The following SESN1 variants were observed in gnomAD, a reference collection of about 807,000 sequenced individuals.
SESN1 encodes the protein sestrin 1, also known as sestrin-1.
In SESN1, 30 loss-of-function variants were observed where a neutral mutation model predicts 59.3. The ratio of observed to expected loss-of-function variants is 0.51; its 90% confidence interval spans 0.38 to 0.69. SESN1 has a LOEUF of 0.69. Among genes scored for constraint, SESN1 ranks in the 30% least tolerant of loss-of-function variants. The pLI, the probability that SESN1 is intolerant of heterozygous loss-of-function variation, is 0.00. For synonymous variants in SESN1, 197 were observed against 219.9 expected (o/e 0.90, Z 0.92); for missense variants, 566 against 673.0 (o/e 0.84, Z 1.76).
At chr6:109,069,670 T>C (rs1780897286) in intron 1 of SESN1, among the ~76,000 whole-genome samples, 1 of 152,096 alleles carries the variant, frequency 6.6e-6, no homozygotes, top group Non-Finnish European at 1.5e-5. Context: ...GCATCCCAAG[T>C]AGCCAGGACC....
chr6:109,063,701 T>C (rs992386462), intron 1 of SESN1, among the ~76,000 whole-genome samples: 1 of 152,202 alleles, frequency 6.6e-6, no homozygotes, highest in Admixed American at 6.5e-5. Context: ...TTGATTCAGA[T>C]ACGTCTTGTG....
At chr6:109,068,526 T>C (rs904681361) in intron 1 of SESN1, among the ~76,000 whole-genome samples, 2 of 151,672 alleles carry the variant, frequency 1.3e-5, no homozygotes, top group African/African-American at 4.8e-5. Context: ...AAAGAAACGG[T>C]ATATGAAAAA....
intron 1 of SESN1, chr6:109,009,611 A>C: frequency 9.8e-7 from 1 of 1,016,404 alleles, no homozygotes; most frequent in Non-Finnish European, 1.2e-6. Flanking sequence ...CGCGCCCGTC[A>C]TTTCACCGCC....
intron 1 of SESN1, among the ~76,000 whole-genome samples, chr6:109,057,327 C>A (rs1206487199): frequency 6.6e-6 from 1 of 152,198 alleles, no homozygotes; most frequent in Non-Finnish European, 1.5e-5. Context: ...GAAGGTACAA[C>A]AGACTTTTTA....
Position 109,069,871 on chromosome 6 carries a change from A to C in SESN1, c.279+23924T>G, listed in dbSNP as rs183054954. Reference sequence around the variant, plus strand: ...CTGCACCCAGCCTCCACAAACTCTTAAGAAAATTAATACTGAGCTTATGAA... The same window carrying C: ...CTGCACCCAGCCTCCACAAACTCTTCAGAAAATTAATACTGAGCTTATGAA... On this transcript the variant is annotated intron_variant, in intron 1 of 9. Coordinates refer to ENST00000436639, the MANE Select transcript of SESN1 (RefSeq NM_014454.3). 2.0e-3 allele frequency among the ~76,000 whole-genome samples: 304 copies of C among 152,192 alleles called. 1 individual carries two copies. Among genetic ancestry groups the C allele is most frequent in the Non-Finnish European group, 3.2e-3 (218 of 68,006 alleles).
chr6:109,068,018 G>A (rs1342591602), intron 1 of SESN1, among the ~76,000 whole-genome samples: 1 of 152,204 alleles, frequency 6.6e-6, no homozygotes, highest in Non-Finnish European at 1.5e-5. Context: ...GAAGGCCACA[G>A]TTCCTGTTAG....
intron 5 of SESN1, 28 bp from the exon 6 acceptor site, chr6:108,994,637 A>T: frequency 6.3e-7 from 1 of 1,581,742 alleles, no homozygotes; most frequent in East Asian, 2.3e-5. Context: ...TTAATGTTAC[A>T]TGTGGCAGAC....
At chr6:109,088,958 G>A (rs1708497792) in intron 1 of SESN1, among the ~76,000 whole-genome samples, 1 of 152,084 alleles carries the variant, frequency 6.6e-6, no homozygotes, top group Non-Finnish European at 1.5e-5. Flanking sequence ...GCCTGGCCCA[G>A]AATATTTCTC....
At chr6:109,001,628 C>A in intron 2 of SESN1, 140 bp from the exon 3 acceptor site, 1 of 713,450 alleles carries the variant, frequency 1.4e-6, no homozygotes, top group South Asian at 1.9e-5. Context: ...AATTTAAACT[C>A]AACTGGTTGA....
chr6:109,059,709 T>C (rs1201043752), intron 1 of SESN1: 1 of 152,176 alleles, frequency 6.6e-6, no homozygotes, highest in African/African-American at 2.4e-5. Context: ...TATTCATGCA[T>C]ATTTTTGCTT....
intron 1 of SESN1, among the ~76,000 whole-genome samples, chr6:109,016,786 T>C (rs1405459983): frequency 6.6e-6 from 1 of 152,210 alleles, no homozygotes; most frequent in Non-Finnish European, 1.5e-5. Flanking sequence ...ATGTATGCTT[T>C]TTACAGGAAT....
intron 1 of SESN1, among the ~76,000 whole-genome samples, chr6:109,055,357 A>G (rs1279929865): frequency 6.6e-6 from 1 of 152,142 alleles, no homozygotes; most frequent in Non-Finnish European, 1.5e-5. Context: ...AATTAATGAA[A>G]GAATATATAA....
chr6:109,080,562 A>G (rs1781104516), intron 1 of SESN1, among the ~76,000 whole-genome samples: 1 of 152,242 alleles, frequency 6.6e-6, no homozygotes. Flanking sequence ...AGAACTTGAT[A>G]TGCAACTTAA....
At chr6:109,016,226 A>G (rs1461309499) in intron 1 of SESN1, among the ~76,000 whole-genome samples, 2 of 152,336 alleles carry the variant, frequency 1.3e-5, no homozygotes, top group East Asian at 3.9e-4. Flanking sequence ...AAACAAACCA[A>G]TGACAATATT....
chr6:108,991,276 A>G (rs563255767), intron 7 of SESN1, among the ~76,000 whole-genome samples: 1 of 151,876 alleles, frequency 6.6e-6, no homozygotes, highest in Admixed American at 6.6e-5. Flanking sequence ...AGGTCTCACT[A>G]TGTTGTCCAG....
At chr6:108,992,249 C>T (rs1452817492) in intron 7 of SESN1, among the ~76,000 whole-genome samples, 1 of 152,120 alleles carries the variant, frequency 6.6e-6, no homozygotes, top group Non-Finnish European at 1.5e-5. Flanking sequence ...CAGGTACATG[C>T]CACCACACCT....
chr6:109,021,436 A>G (rs1216830018), intron 1 of SESN1, among the ~76,000 whole-genome samples: 1 of 152,042 alleles, frequency 6.6e-6, no homozygotes, highest in Non-Finnish European at 1.5e-5. Context: ...GGTTTTATTT[A>G]TCAGTCATAT....
intron 1 of SESN1, among the ~76,000 whole-genome samples, chr6:109,041,138 TA>T (rs753319284): frequency 0.12 from 15,715 of 134,922 alleles, 911 homozygotes; most frequent in South Asian, 0.19. Context: ...CTGTTTCTAT[TA>T]AAAAAAAAAA....
At chr6:109,023,576 G>C (rs1420643358) in intron 1 of SESN1, among the ~76,000 whole-genome samples, 2 of 152,208 alleles carry the variant, frequency 1.3e-5, no homozygotes, top group East Asian at 3.9e-4. Context: ...TTCTGTCCCA[G>C]GTGCAAGGAT....
Sources: gnomAD v4.1 joint callset for allele counts (sites outside exome capture counted in the v4.1 genomes callset) on GRCh38, gnomAD v4.1.1 for gene constraint, MANE v1.5 for transcripts, NCBI Gene and HGNC (gene_info 2026-07-23, HGNC 2026-07-21) for gene names.